Variants in GRAMD1C observed in about 807,000 individuals in gnomAD.
GRAMD1C encodes the protein protein Aster-C.
GRAMD1C carries 89 observed loss-of-function variants against 97.8 expected under a neutral mutation model. The observed-to-expected ratio is 0.91, with a 90% CI of 0.77 to 1.09. The LOEUF (loss-of-function observed/expected upper bound fraction) is 1.09, where lower values mean the gene tolerates loss of function less well. GRAMD1C is among the 50% of genes least tolerant of loss of function. The pLI is 0.00. For missense variants in GRAMD1C, 740 were observed against 766.4 expected (o/e 0.97, Z 0.41); for synonymous variants, 256 against 267.0 (o/e 0.96, Z 0.40).
chr3:113,911,954 C>G (rs1472588313), intron 9 of GRAMD1C, among the ~76,000 whole-genome samples: 2 of 152,014 alleles, frequency 1.3e-5, no homozygotes, highest in Non-Finnish European at 2.9e-5. Flanking sequence ...GTCTTGATCT[C>G]CTGACCTCGT....
intron 6 of GRAMD1C, chr3:113,890,974 T>C (rs543129944): frequency 1.4e-5 from 7 of 502,686 alleles, no homozygotes; most frequent in Non-Finnish European, 3.5e-6. Context: ...AATTTACCCT[T>C]CTTTGAAAAG....
Position 113,890,715 on chromosome 3 carries a change from T to A in GRAMD1C, c.540+7883T>A, listed in dbSNP as rs773736657. The A allele has an allele frequency of 5.1e-5, 36 of 699,802 alleles. No individual in the cohort carries two copies. In the African/African-American group the frequency reaches 5.8e-4, roughly 11 times the overall value. 43.3% of individuals were successfully genotyped at this position (699,802 alleles called of 1,614,324 possible). ...GCAGACTATGCTTGGTTATATACTG[T>A]ATTGAATGTCCTTCCAATGTCACAT... On this transcript the variant is annotated intron_variant, in intron 6 of 17. Transcript: ENST00000358160.
chr3:113,938,743 A>G (rs1287873107), intron 15 of GRAMD1C: 3 of 152,262 alleles, frequency 2.0e-5, no homozygotes, highest in African/African-American at 7.2e-5. Flanking sequence ...GAATCCACTC[A>G]GCCAGTCATA....
intron 9 of GRAMD1C, among the ~76,000 whole-genome samples, chr3:113,913,548 A>T (rs1396653482): frequency 6.6e-6 from 1 of 152,074 alleles, no homozygotes; most frequent in African/African-American, 2.4e-5. Context: ...TAGTGTATAG[A>T]TTCATTATTG....
intron 2 of GRAMD1C, among the ~76,000 whole-genome samples, chr3:113,851,275 A>C (rs1224999878): frequency 6.6e-6 from 1 of 152,182 alleles, no homozygotes; most frequent in African/African-American, 2.4e-5. Flanking sequence ...AGAAGATAGG[A>C]GATCTCAGAT....
chr3:113,918,164 T>C (rs1222511681), intron 10 of GRAMD1C, among the ~76,000 whole-genome samples: 7 of 152,188 alleles, frequency 4.6e-5, no homozygotes, highest in Admixed American at 4.6e-4. Flanking sequence ...AAAATTATCT[T>C]TTCTGTTCTT....
Position 113,847,444 on chromosome 3 carries a change from C to A in GRAMD1C, c.174+2795C>A, listed in dbSNP as rs189787826. Among the ~76,000 whole-genome samples the A allele has an allele frequency of 1.9e-3, 283 of 152,252 alleles. 2 individuals carry two copies. The highest frequency in any genetic ancestry group is 6.5e-3 in the African/African-American group (268 of 41,546). On this transcript the variant is annotated intron_variant, in intron 2 of 17. Transcript: ENST00000358160. ...ATGGCATGTGCAATGAAACCTGGAC[C>A]TTTTAATGTGGAGGCCAAAGGTCTG...
intron 6 of GRAMD1C, chr3:113,890,803 A>G (rs1392883858): frequency 4.3e-6 from 3 of 691,378 alleles, no homozygotes; most frequent in South Asian, 3.1e-5. Context: ...TCTCCAGGGA[A>G]GTGATAAAGT....
At chr3:113,944,074 A>G (rs1456030061) in intron 17 of GRAMD1C, among the ~76,000 whole-genome samples, 1 of 152,136 alleles carries the variant, frequency 6.6e-6, no homozygotes, top group East Asian at 1.9e-4. Context: ...CACACGTTCC[A>G]ATGACTCCTG....
chr3:113,910,738 C>A (rs535413287), intron 9 of GRAMD1C, among the ~76,000 whole-genome samples: 1 of 152,076 alleles, frequency 6.6e-6, no homozygotes, highest in African/African-American at 2.4e-5. Context: ...GATAAGTGGG[C>A]TGCTGATGGA....
intron 9 of GRAMD1C, among the ~76,000 whole-genome samples, chr3:113,910,487 T>G (rs1936527818): frequency 6.6e-6 from 1 of 152,238 alleles, no homozygotes; most frequent in African/African-American, 2.4e-5. Context: ...AAAGGCCTTC[T>G]GAATTTCAAG....
At chr3:113,844,984 C>T (rs576412898) in intron 2 of GRAMD1C, 2 of 169,136 alleles carry the variant, frequency 1.2e-5, no homozygotes, top group Admixed American at 6.4e-5. Context: ...ACTGAGAAGC[C>T]AGCTATTTTA....
At chr3:113,833,100 T>TTTTC (rs745966042) in intron 1 of GRAMD1C, among the ~76,000 whole-genome samples, 4,108 of 147,012 alleles carry the variant, frequency 0.028, 62 homozygotes, top group Non-Finnish European at 0.035. Context: ...TTTTCTTTTC[T>TTTTC]TTTCTTTCTT....
intron 6 of GRAMD1C, among the ~76,000 whole-genome samples, chr3:113,893,798 CAATA>C (rs1308090797): frequency 3.3e-5 from 5 of 152,112 alleles, no homozygotes; most frequent in Non-Finnish European, 7.4e-5. Context: ...AACAGATGAT[CAATA>C]AATACTTTTT....
intron 14 of GRAMD1C, 50 bp downstream of exon 14, chr3:113,936,492 T>C: frequency 8.5e-7 from 1 of 1,170,630 alleles, no homozygotes; most frequent in Non-Finnish European, 1.2e-6. Flanking sequence ...TTTAGTTATA[T>C]GAAGCAGAAT....
chr3:113,832,702 T>C (rs187878147), intron 1 of GRAMD1C, among the ~76,000 whole-genome samples: 2 of 152,306 alleles, frequency 1.3e-5, no homozygotes, highest in Admixed American at 1.3e-4. Context: ...GTAAAGTTTG[T>C]ATTCTTTGTT....
rs377301886 is a variant in GRAMD1C at position 113,904,244 on chromosome 3, A to C, written c.761A>C (p.Glu254Ala). The C allele has an allele frequency of 3.1e-6, 5 of 1,607,680 alleles. No homozygotes were observed. Among genetic ancestry groups the C allele is most frequent in the Non-Finnish European group, 4.3e-6 (5 of 1,174,228 alleles). ...TCAATTAGTCGGGTTTCAGAAACAG[A>C]GTCATTCGATGGAAATTCATCAAAA... ...SESISRVSET[E>A]SFDGNSSKGG... The change falls in exon 8 of 18, where the codon GAG becomes GCG. Residue 254 changes from glutamate to alanine, a missense_variant. Physicochemically the swap from Glu to Ala is moderately radical, Grantham distance 107 (BLOSUM62 -1). Transcript: ENST00000358160.
intron 14 of GRAMD1C, among the ~76,000 whole-genome samples, chr3:113,937,630 G>A (rs1474225478): frequency 1.3e-5 from 2 of 152,204 alleles, no homozygotes; most frequent in Admixed American, 6.5e-5. Flanking sequence ...GGGGTGCAGG[G>A]AATTTACCCT....
At chr3:113,891,532 A>G (rs535016325) in intron 6 of GRAMD1C, among the ~76,000 whole-genome samples, 15 of 152,238 alleles carry the variant, frequency 9.9e-5, no homozygotes, top group African/African-American at 3.1e-4. Flanking sequence ...CATAGCTACA[A>G]AATTCTATTA....
Sources: gnomAD v4.1 joint callset for allele counts (sites outside exome capture counted in the v4.1 genomes callset) on GRCh38, gnomAD v4.1.1 for gene constraint, MANE v1.5 for transcripts, NCBI Gene and HGNC (gene_info 2026-07-23, HGNC 2026-07-21) for gene names.